The following DPY19L1 variants were observed in gnomAD, a reference collection of about 807,000 sequenced individuals.
DPY19L1 encodes dpy-19 like C-mannosyltransferase 1, also known as protein C-mannosyl-transferase DPY19L1.
In DPY19L1, 35 loss-of-function variants were observed where a neutral mutation model predicts 96.9. That is an observed-to-expected ratio of 0.36 (90% CI 0.28 to 0.48). DPY19L1 has a LOEUF of 0.48. Ranked by LOEUF, DPY19L1 falls within the 20% of genes least tolerant of loss-of-function variation. The pLI is 0.99. For synonymous variants in DPY19L1, 205 were observed against 252.6 expected, an observed-to-expected ratio of 0.81 and a Z score of 1.79; for missense variants, 521 against 777.9, an observed-to-expected ratio of 0.67 and a Z score of 3.93.
intron 1 of DPY19L1, among the ~76,000 whole-genome samples, chr7:35,018,887 A>G (rs1026647830): frequency 2.6e-5 from 4 of 152,186 alleles, no homozygotes; most frequent in African/African-American, 9.6e-5. Flanking sequence ...TAGAACTGAG[A>G]GAGGAATGGA....
intron 17 of DPY19L1, among the ~76,000 whole-genome samples, chr7:34,942,106 C>G (rs1196618652): frequency 6.6e-6 from 1 of 152,204 alleles, no homozygotes; most frequent in Non-Finnish European, 1.5e-5. Context: ...CTGTGATTCT[C>G]AGAGTCAAAC....
chr7:34,963,588 A>G (rs1307070551), intron 10 of DPY19L1, among the ~76,000 whole-genome samples: 5 of 151,696 alleles, frequency 3.3e-5, no homozygotes, highest in African/African-American at 9.7e-5. Context: ...GTATCCGTGA[A>G]TGAACTGGAT....
At chr7:35,020,104 G>A (rs329243) in intron 1 of DPY19L1, among the ~76,000 whole-genome samples, 41,588 of 151,944 alleles carry the variant, frequency 0.27, 5,800 homozygotes, top group Non-Finnish European at 0.31. Flanking sequence ...CTGTACTCTA[G>A]CCTGGATGAC....
chr7:35,030,765 T>C (rs1340575946), intron 1 of DPY19L1, among the ~76,000 whole-genome samples: 3 of 152,128 alleles, frequency 2.0e-5, no homozygotes, highest in African/African-American at 7.2e-5. Flanking sequence ...ATTCTGAAAA[T>C]AAATTATTCT....
At chr7:34,976,827 A>G (rs906686053) in intron 7 of DPY19L1, among the ~76,000 whole-genome samples, 14 of 152,174 alleles carry the variant, frequency 9.2e-5, no homozygotes, top group African/African-American at 3.4e-4. Flanking sequence ...TCTGCCGCCC[A>G]GGCTGGAGTA....
intron 10 of DPY19L1, among the ~76,000 whole-genome samples, chr7:34,966,442 C>A (rs78457768): frequency 0.2 from 29,773 of 151,864 alleles, 3,262 homozygotes; most frequent in Admixed American, 0.35. Flanking sequence ...GTACTACAGG[C>A]ATGCATCACC....
intron 1 of DPY19L1, among the ~76,000 whole-genome samples, chr7:35,018,851 A>T (rs2128680286): frequency 1.3e-5 from 2 of 152,308 alleles, no homozygotes; most frequent in South Asian, 4.1e-4. Context: ...AATAGACAGA[A>T]ACCATTAGAT....
At chr7:34,950,397 A>G (rs1251789994) in intron 13 of DPY19L1, among the ~76,000 whole-genome samples, 2 of 152,198 alleles carry the variant, frequency 1.3e-5, no homozygotes, top group Admixed American at 1.3e-4. Context: ...CACCTCTCAT[A>G]TAATTATTCA....
chr7:35,026,809 G>A (rs1252210449), intron 1 of DPY19L1, among the ~76,000 whole-genome samples: 3 of 152,076 alleles, frequency 2.0e-5, no homozygotes, highest in East Asian at 3.8e-4. Flanking sequence ...TACTTCCCTC[G>A]TAAGAAAGTC....
At chr7:34,988,851 GTTAA>G (rs1234249214) in intron 7 of DPY19L1, among the ~76,000 whole-genome samples, 2 of 152,300 alleles carry the variant, frequency 1.3e-5, no homozygotes, top group African/African-American at 2.4e-5. Context: ...TTTAAACTAA[GTTAA>G]TTAGTCAATA....
intron 17 of DPY19L1, 120 bp downstream of exon 17, chr7:34,942,495 G>C (rs1271860717): frequency 1.3e-6 from 1 of 772,144 alleles, no homozygotes; most frequent in African/African-American, 1.8e-5. Context: ...ACACATAACA[G>C]GCTATTTTCA....
At chr7:34,934,478 T>C (rs1307457842) in intron 21 of DPY19L1, among the ~76,000 whole-genome samples, 3 of 152,238 alleles carry the variant, frequency 2.0e-5, no homozygotes, top group Non-Finnish European at 4.4e-5. Flanking sequence ...GATACTTTAA[T>C]TGTTTCCCAT....
intron 17 of DPY19L1, 65 bp downstream of exon 17, chr7:34,942,550 G>C: frequency 7.6e-7 from 1 of 1,312,230 alleles, no homozygotes; most frequent in South Asian, 1.3e-5. Flanking sequence ...ACTGGAACTA[G>C]AAAGGAAAGT....
chr7:34,955,961 A>G (rs1437262078), intron 11 of DPY19L1, among the ~76,000 whole-genome samples: 4 of 19,278 alleles, frequency 2.1e-4, no homozygotes, highest in Non-Finnish European at 7.7e-5. Flanking sequence ...TTCAGGTTTC[A>G]AAGTGAAATT....
rs1398072038 is a variant in DPY19L1, at chr7:34,947,622, A to AG, written c.1494+7dup. On this transcript the variant is annotated splice_region_variant and intron_variant, in intron 15 of 21. Coordinates refer to ENST00000638088, the MANE Select transcript of DPY19L1 (RefSeq NM_001366673.1). Reference sequence around the variant, plus strand: ...TTATAAGAAAGAGCTCTTAAGTGATAGACATACCTTTCTAACAATAGCAAC... The same window carrying AG: ...TTATAAGAAAGAGCTCTTAAGTGATAGGACATACCTTTCTAACAATAGCAAC... The AG allele has an allele frequency of 6.2e-7, 1 of 1,606,558 alleles. No individual in the cohort carries two copies. The highest frequency in any genetic ancestry group is 8.5e-7 in the Non-Finnish European group (1 of 1,176,084).
intron 1 of DPY19L1, among the ~76,000 whole-genome samples, chr7:35,021,475 T>C (rs1450725092): frequency 1.3e-5 from 2 of 152,208 alleles, no homozygotes; most frequent in Non-Finnish European, 2.9e-5. Flanking sequence ...GAATTCCTTT[T>C]TTTCATTTCA....
At chr7:35,033,100 C>T (rs1786300238) in intron 1 of DPY19L1, among the ~76,000 whole-genome samples, 2 of 152,316 alleles carry the variant, frequency 1.3e-5, no homozygotes, top group Admixed American at 6.5e-5. Context: ...GAGAATAAAA[C>T]CCAAGCTCCT....
At chr7:34,965,982 T>C (rs1010394086) in intron 10 of DPY19L1, among the ~76,000 whole-genome samples, 8 of 152,120 alleles carry the variant, frequency 5.3e-5, no homozygotes. Flanking sequence ...CCCCTGATCT[T>C]GGTGCTCCTG....
rs1018210452 is a variant in DPY19L1 at position 34,933,139 on chromosome 7, TA to T, written c.2091-1411del. On this transcript the variant is annotated intron_variant, in intron 21 of 21. Coordinates refer to ENST00000638088, the MANE Select transcript of DPY19L1 (RefSeq NM_001366673.1). The stretch of plus-strand genomic sequence containing the variant: ...CAGCATATATCCTGCTGGACCTTTT[TA>T]AAAAAAAAAAAATTATTTCAATAGC... Among the ~76,000 whole-genome samples, 861 of 148,108 alleles carry T rather than the reference TA, an allele frequency of 5.8e-3. 9 individuals carry two copies. The highest frequency in any genetic ancestry group is 0.02 in the African/African-American group (790 of 40,498).
Sources: gnomAD v4.1 joint callset for allele counts (sites outside exome capture counted in the v4.1 genomes callset) on GRCh38, gnomAD v4.1.1 for gene constraint, MANE v1.5 for transcripts, NCBI Gene and HGNC (gene_info 2026-07-23, HGNC 2026-07-21) for gene names.